Variants in KCNJ12 observed in about 807,000 individuals in gnomAD.
KCNJ12 encodes the protein ATP-sensitive inward rectifier potassium channel 12.
A neutral mutation model predicts 22.3 loss-of-function variants in KCNJ12; 2 were observed. The ratio of observed to expected loss-of-function variants is 0.09; its 90% CI spans 0.04 to 0.28. The LOEUF (loss-of-function observed/expected upper bound fraction) is 0.28, where lower values mean the gene tolerates loss of function less well. Ranked by LOEUF, KCNJ12 falls within the 10% of genes least tolerant of loss-of-function variation. The pLI, the probability that KCNJ12 is intolerant of heterozygous loss-of-function variation, is 1.00. For synonymous variants in KCNJ12, 117 were observed against 261.4 expected (o/e 0.45, Z 5.33); for missense variants, 155 against 633.3 (o/e 0.24, Z 8.11).
At chr17:21,405,767 C>T (rs1436531514) in intron 1 of KCNJ12, among the ~76,000 whole-genome samples, 1 of 152,284 alleles carries the variant, frequency 6.6e-6, no homozygotes, top group Non-Finnish European at 1.5e-5. Context: ...GGGGTGAGCT[C>T]ACATGGCGGC....
chr17:21,401,186 G>A (rs1293913456), intron 1 of KCNJ12, among the ~76,000 whole-genome samples: 1 of 152,236 alleles, frequency 6.6e-6, no homozygotes, highest in African/African-American at 2.4e-5. Flanking sequence ...GGGTCCTTGG[G>A]CAGCCCTCCT....
chr17:21,379,913 A>G (rs1343471976), intron 1 of KCNJ12, among the ~76,000 whole-genome samples: 1 of 151,934 alleles, frequency 6.6e-6, no homozygotes, highest in African/African-American at 2.4e-5. Flanking sequence ...TTAATTTCCT[A>G]ATGGCCTGCC....
At chr17:21,377,131 A>G (rs192961173) in intron 1 of KCNJ12, among the ~76,000 whole-genome samples, 3 of 152,270 alleles carry the variant, frequency 2.0e-5, no homozygotes, top group East Asian at 1.9e-4. Flanking sequence ...TTTTCCTGCC[A>G]TGTCTCCGGC....
chr17:21,399,496 A>C lies in KCNJ12; in HGVS notation c.-178-9023A>C, dbSNP rs1002090897. On this transcript the variant is annotated intron_variant, in intron 1 of 2. Coordinates refer to ENST00000583088, the MANE Select transcript of KCNJ12 (RefSeq NM_021012.5). Reference sequence around the variant, plus strand: ...CTAGATCCCAGCTCAGAGAAAGACCATAGCTCCAGGTCAGTACAGCACAGC... The same window carrying C: ...CTAGATCCCAGCTCAGAGAAAGACCCTAGCTCCAGGTCAGTACAGCACAGC... 2.0e-5 allele frequency among the ~76,000 whole-genome samples: 3 copies of C among 152,178 alleles called. No individual in the cohort carries two copies. The South Asian group carries it at 6.2e-4, about 32-fold the overall frequency.
In KCNJ12 at chr17:21,384,344, G is replaced by A. The variant is rs997425310; in HGVS notation, c.-179+7431G>A. ...AGTCCGTGAGTCATGGGTTCTTTTC[G>A]TTGTCATTTTAGCTGCGTTGAGACA... On this transcript the variant is annotated intron_variant, in intron 1 of 2. Coordinates refer to ENST00000583088, the MANE Select transcript of KCNJ12 (RefSeq NM_021012.5). Among the ~76,000 whole-genome samples the A allele has an allele frequency of 7.2e-5, 11 of 152,126 alleles. No individual in the cohort carries two copies. The East Asian group carries it at 9.6e-4, about 13-fold the overall frequency.
Position 21,416,096 on chromosome 17 carries a change from G to C in KCNJ12, c.754G>C (p.Asp252His). ...EYIPLDQIDI[D>H]VGFDKGLDRI... ...CATCCCGCTGGACCAGATCGACATC[G>C]ATGTGGGCTTCGACAAGGGCCTGGA... The change falls in exon 3 of 3, where the codon GAT (aspartate) becomes CAT (histidine). Residue 252 changes from aspartate to histidine, a missense_variant. Physicochemically the swap from Asp to His is moderately conservative, Grantham distance 81. Transcript: ENST00000583088. 1 of 1,612,630 alleles carries C rather than the reference G, an allele frequency of 6.2e-7. No homozygotes were observed. Among genetic ancestry groups the C allele is most frequent in the South Asian group, 1.1e-5 (1 of 90,802 alleles).
chr17:21,399,427 G>A (rs1905497675), intron 1 of KCNJ12, among the ~76,000 whole-genome samples: 1 of 152,200 alleles, frequency 6.6e-6, no homozygotes, highest in Non-Finnish European at 1.5e-5. Flanking sequence ...TGCTTTCTGA[G>A]CAGACATTGC....
chr17:21,390,798 G>A (rs1475318806), intron 1 of KCNJ12, among the ~76,000 whole-genome samples: 1 of 152,186 alleles, frequency 6.6e-6, no homozygotes, highest in Non-Finnish European at 1.5e-5. Context: ...GTGAAATACA[G>A]TTCTTTTTTC....
At chr17:21,404,401 G>T (rs4997623) in intron 1 of KCNJ12, among the ~76,000 whole-genome samples, 2 of 144,982 alleles carry the variant, frequency 1.4e-5, no homozygotes, top group South Asian at 4.4e-4. Context: ...CCTCGCCTGG[G>T]CTCCCGAGGG....
chr17:21,380,724 C>A (rs1904835213), intron 1 of KCNJ12, among the ~76,000 whole-genome samples: 1 of 152,170 alleles, frequency 6.6e-6, no homozygotes, highest in Non-Finnish European at 1.5e-5. Flanking sequence ...TTTCCCCATC[C>A]AACCTTCCCT....
intron 1 of KCNJ12, among the ~76,000 whole-genome samples, chr17:21,380,124 G>A (rs982265087): frequency 1.3e-5 from 2 of 152,292 alleles, no homozygotes; most frequent in African/African-American, 2.4e-5. Context: ...TTACCACCAG[G>A]CAGGTCCCAC....
intron 1 of KCNJ12, among the ~76,000 whole-genome samples, chr17:21,394,470 A>T (rs1387895768): frequency 7.2e-5 from 11 of 152,224 alleles, no homozygotes; most frequent in African/African-American, 2.4e-4. Flanking sequence ...ATTTCTCAGC[A>T]TGTATTCCAT....
intron 1 of KCNJ12, among the ~76,000 whole-genome samples, chr17:21,398,571 G>A (rs992548296): frequency 6.6e-6 from 1 of 152,094 alleles, no homozygotes; most frequent in South Asian, 2.1e-4. Context: ...TATCCTCAGC[G>A]GTGACCTGCT....
chr17:21,400,638 A>AGGCCCT (rs1905555826), intron 1 of KCNJ12, among the ~76,000 whole-genome samples: 1 of 152,428 alleles, frequency 6.6e-6, no homozygotes, highest in East Asian at 1.9e-4. Context: ...TTTCCCGACA[A>AGGCCCT]GGCCCTGGCC....
intron 1 of KCNJ12, among the ~76,000 whole-genome samples, chr17:21,380,031 C>A (rs1904811586): frequency 6.6e-6 from 1 of 152,154 alleles, no homozygotes; most frequent in Admixed American, 6.5e-5. Flanking sequence ...TGGTGCTTTC[C>A]CAGGGACAGA....
rs1441811234 is a variant in KCNJ12, at chr17:21,416,800, A to G, written c.*156A>G. On this transcript the variant is annotated 3_prime_UTR_variant, in exon 3 of 3. Transcript: ENST00000583088. ...TATGTTTCTTTGCAACGGCCTCAGA[A>G]GTTTGGCCGGAGAGGGGGCAGCCAG... The G allele has an allele frequency of 7.4e-6, 10 of 1,355,816 alleles. No homozygotes were observed. Among genetic ancestry groups the G allele is most frequent in the Non-Finnish European group, 9.8e-6 (10 of 1,016,174 alleles). 84.0% of individuals were successfully genotyped at this position (1,355,816 alleles called of 1,614,324 possible). A position where few individuals can be genotyped will look rare whatever the true frequency, so the allele number is the denominator to read the frequency against.
At position 21,413,730 on chromosome 17, in the gene KCNJ12, G is replaced by A. The variant is rs1174330307; in HGVS notation, c.-56-1557G>A. Among the ~76,000 whole-genome samples the A allele has an allele frequency of 4.0e-4, 61 of 152,414 alleles. No individual in the cohort carries two copies. In the East Asian group the frequency reaches 7.3e-3, roughly 18 times the overall value. On this transcript the variant is annotated intron_variant, in intron 2 of 2. Transcript: ENST00000583088. Reference sequence around the variant, plus strand: ...GGGGGCAGCACAGCCTGTGTGTCCCGGGGGTGGGCACGTCAGTGGCTGAGA... The same window carrying A: ...GGGGGCAGCACAGCCTGTGTGTCCCAGGGGTGGGCACGTCAGTGGCTGAGA...
chr17:21,396,173 C>G (rs1905355582), intron 1 of KCNJ12, among the ~76,000 whole-genome samples: 1 of 152,012 alleles, frequency 6.6e-6, no homozygotes, highest in Admixed American at 6.5e-5. Flanking sequence ...GAGGGGCTGG[C>G]TGGGCTCTCG....
chr17:21,394,598 G>A (rs1434869225), intron 1 of KCNJ12, among the ~76,000 whole-genome samples: 1 of 152,204 alleles, frequency 6.6e-6, no homozygotes, highest in Non-Finnish European at 1.5e-5. Flanking sequence ...CAGACACAGG[G>A]CCCCTGCTCT....
Sources: gnomAD v4.1 joint callset for allele counts (sites outside exome capture counted in the v4.1 genomes callset) on GRCh38, gnomAD v4.1.1 for gene constraint, MANE v1.5 for transcripts, NCBI Gene and HGNC (gene_info 2026-07-23, HGNC 2026-07-21) for gene names.